CXADR: variants seen among roughly 807,000 people sequenced by gnomAD.
CXADR encodes the protein coxsackievirus and adenovirus receptor.
A neutral mutation model predicts 40.3 loss-of-function variants in CXADR; 20 were observed. The ratio of observed to expected loss-of-function variants is 0.50; its 90% CI spans 0.35 to 0.72. CXADR has a LOEUF of 0.72. Ranked by LOEUF, CXADR falls within the 30% of genes least tolerant of loss-of-function variation. The pLI, the probability that CXADR is intolerant of heterozygous loss-of-function variation, is 0.01. For missense variants in CXADR, 332 were observed against 449.1 expected (o/e 0.74, Z 2.36); for synonymous variants, 150 against 161.3 (o/e 0.93, Z 0.53).
At chr21:17,611,281 CCACACTAAA>C in the CXADR span, among the ~76,000 whole-genome samples, 1 of 152,192 alleles carries the variant, frequency 6.6e-6, no homozygotes, top group Non-Finnish European at 1.5e-5. Flanking sequence ...AAACAAGGAA[CCACACTAAA>C]GAAATGTACT....
chr21:17,541,273 C>T (rs2060823952), intron 1 of CXADR, among the ~76,000 whole-genome samples: 1 of 152,154 alleles, frequency 6.6e-6, no homozygotes, highest in Non-Finnish European at 1.5e-5. Context: ...TATGTTCCGG[C>T]TGGGCGCGGT....
chr21:17,575,715 G>C (rs915461379), intron 7 of CXADR, among the ~76,000 whole-genome samples: 1 of 150,628 alleles, frequency 6.6e-6, no homozygotes, highest in African/African-American at 2.4e-5. Context: ...GGATGGTCTT[G>C]ATCTCCTGAC....
chr21:17,562,994 A>C (rs539143241), intron 6 of CXADR, among the ~76,000 whole-genome samples: 1 of 152,352 alleles, frequency 6.6e-6, no homozygotes, highest in East Asian at 1.9e-4. Flanking sequence ...CATATCAGCA[A>C]TAAGACTGCT....
the CXADR span, among the ~76,000 whole-genome samples, chr21:17,629,238 G>T: frequency 8.6e-5 from 13 of 151,776 alleles, no homozygotes; most frequent in South Asian, 8.3e-4. Context: ...AAATTAGCTG[G>T]GTATGGTGAT....
At chr21:17,540,103 C>T (rs920670023) in intron 1 of CXADR, among the ~76,000 whole-genome samples, 7 of 152,154 alleles carry the variant, frequency 4.6e-5, no homozygotes, top group African/African-American at 9.7e-5. Flanking sequence ...AGACAGCTGC[C>T]GTCTCCCTCT....
At chr21:17,537,217 T>C (rs1162982844) in intron 1 of CXADR, among the ~76,000 whole-genome samples, 1 of 152,248 alleles carries the variant, frequency 6.6e-6, no homozygotes, top group Non-Finnish European at 1.5e-5. Flanking sequence ...CTCTGATTTG[T>C]TGTTTTTATT....
chr21:17,605,052 C>T, the CXADR span: 1,316 of 1,572,994 alleles, frequency 8.4e-4, 15 homozygotes, highest in East Asian at 0.025. Context: ...TCATAAACGC[C>T]GTAATATCTA....
chr21:17,626,098 T>G, the CXADR span, among the ~76,000 whole-genome samples: 2 of 152,214 alleles, frequency 1.3e-5, no homozygotes, highest in African/African-American at 4.8e-5. Flanking sequence ...GTCTACCTTA[T>G]GCAGTCTTTT....
At position 17,567,776 on chromosome 21, in the gene CXADR, A is replaced by G; in HGVS notation, c.*2084A>G. The G allele has an allele frequency of 1.1e-6, 1 of 906,586 alleles. No homozygotes were observed. Among genetic ancestry groups the G allele is most frequent in the Non-Finnish European group, 1.3e-6 (1 of 757,880 alleles). The allele number at this position is 906,586 out of a possible 1,614,324, so 56.2% of individuals were successfully genotyped here. A position where few individuals can be genotyped will look rare whatever the true frequency, so the allele number is the denominator to read the frequency against. On this transcript the variant is annotated 3_prime_UTR_variant, in exon 7 of 7. Coordinates refer to ENST00000284878, the MANE Select transcript of CXADR (RefSeq NM_001338.5). ...TAATAATAAAGTTTTGGTTCTTCCT[A>G]TTCCTGACTTTCATATAATGAAAAT...
At chr21:17,600,951 C>G in the CXADR span, among the ~76,000 whole-genome samples, 1 of 152,192 alleles carries the variant, frequency 6.6e-6, no homozygotes, top group African/African-American at 2.4e-5. Flanking sequence ...ATCATGAGGT[C>G]AGGCGTTCGA....
At chr21:17,554,488 G>C (rs3805082) in intron 3 of CXADR, among the ~76,000 whole-genome samples, 4,671 of 152,246 alleles carry the variant, frequency 0.031, 233 homozygotes, top group African/African-American at 0.1. Flanking sequence ...TTCAAACCAA[G>C]GAGGGGGAGA....
At chr21:17,577,612 C>CTGTTTTTTTTTTTT (rs2061330791) in intron 7 of CXADR, among the ~76,000 whole-genome samples, 1 of 36,564 alleles carries the variant, frequency 2.7e-5, no homozygotes, top group Non-Finnish European at 5.3e-5. Flanking sequence ...ATTCTGCAAG[C>CTGTTTTTTTTTTTT]TTTTTTTTTT....
At chr21:17,595,333 T>C (rs368530065), downstream of CXADR, among the ~76,000 whole-genome samples, 66 of 152,150 alleles carry the variant, frequency 4.3e-4, 1 homozygote, top group East Asian at 9.8e-3. Context: ...GTGTATAGCA[T>C]TGCATTCATG....
the CXADR span, chr21:17,604,395 A>G: frequency 1.7e-4 from 33 of 195,400 alleles, no homozygotes; most frequent in Non-Finnish European, 3.1e-4. Context: ...CAGACAGCCA[A>G]GAATGCACCA....
intron 1 of CXADR, among the ~76,000 whole-genome samples, chr21:17,546,734 A>T (rs1482837146): frequency 6.6e-6 from 1 of 152,206 alleles, no homozygotes. Flanking sequence ...AGTTTTAAAC[A>T]TCTGCTTGCA....
the CXADR span, among the ~76,000 whole-genome samples, chr21:17,622,369 T>C: frequency 2.6e-5 from 4 of 152,154 alleles, no homozygotes; most frequent in African/African-American, 9.7e-5. Context: ...TTTGTAATGA[T>C]GTGCTTATAA....
intron 3 of CXADR, among the ~76,000 whole-genome samples, chr21:17,553,697 C>T (rs542510562): frequency 1.3e-5 from 2 of 150,956 alleles, no homozygotes; most frequent in African/African-American, 2.4e-5. Context: ...TCTCGGCTCA[C>T]GGCAACCTCC....
intron 1 of CXADR, among the ~76,000 whole-genome samples, chr21:17,545,072 G>GTTTTTT (rs869189508): frequency 1.4e-4 from 8 of 55,436 alleles, no homozygotes; most frequent in Admixed American, 6.1e-4. Context: ...GCTCTAATGT[G>GTTTTTT]TTTTTTTTTT....
At chr21:17,634,227 A>G in the CXADR span, among the ~76,000 whole-genome samples, 1 of 152,214 alleles carries the variant, frequency 6.6e-6, no homozygotes, top group Non-Finnish European at 1.5e-5. Context: ...CTTAAATTCT[A>G]CGTAAATAGT....
Sources: gnomAD v4.1 joint callset for allele counts (sites outside exome capture counted in the v4.1 genomes callset) on GRCh38, gnomAD v4.1.1 for gene constraint, MANE v1.5 for transcripts, NCBI Gene and HGNC (gene_info 2026-07-23, HGNC 2026-07-21) for gene names.